The following CSMD3 variants were observed in gnomAD, a reference collection of about 807,000 sequenced individuals.
The protein encoded by CSMD3 is CUB and sushi domain-containing protein 3.
Under a neutral mutation model 435.2 loss-of-function variants are expected in CSMD3, and 177 were observed. That is an observed-to-expected ratio of 0.41 (90% confidence interval 0.36 to 0.46). The LOEUF is 0.46. CSMD3 is among the 20% of genes least tolerant of loss of function. The pLI is 0.34. For missense variants in CSMD3, 4,265 were observed against 4,504.6 expected (o/e 0.95, Z 1.52); for synonymous variants, 1,656 against 1,520.5 (o/e 1.09, Z -2.07).
rs570774005 is a variant in CSMD3, at chr8:113,071,449, G to A, written c.917+27307C>T. ...TTCTTCTAGTAGTTTTATGGTTTCA[G>A]GTCTTAGAGGTAAGTCTTTAATACA... On this transcript the variant is annotated intron_variant, in intron 5 of 70. Transcript: ENST00000297405. Among the ~76,000 whole-genome samples the A allele has an allele frequency of 2.6e-5, 4 of 151,972 alleles. No homozygotes were observed. The South Asian group carries it at 8.3e-4, about 32-fold the overall frequency.
At chr8:113,332,195 TA>T (rs1324031473) in intron 1 of CSMD3, among the ~76,000 whole-genome samples, 1 of 151,122 alleles carries the variant, frequency 6.6e-6, no homozygotes, top group Non-Finnish European at 1.5e-5. Context: ...ATGCCTTAAT[TA>T]AAAAAATACT....
chr8:112,795,843 T>C (rs2132310710), intron 13 of CSMD3, among the ~76,000 whole-genome samples: 1 of 152,280 alleles, frequency 6.6e-6, no homozygotes, highest in African/African-American at 2.4e-5. Context: ...AAGCATTAAA[T>C]ACTGTGGCCA....
chr8:112,963,478 C>G (rs1000675763), intron 7 of CSMD3, among the ~76,000 whole-genome samples: 10 of 151,708 alleles, frequency 6.6e-5, no homozygotes, highest in African/African-American at 2.2e-4. Flanking sequence ...TTTTTATGAC[C>G]ACCATTATAC....
chr8:113,391,447 C>T (rs1411713597), intron 1 of CSMD3, among the ~76,000 whole-genome samples: 1 of 151,902 alleles, frequency 6.6e-6, no homozygotes, highest in African/African-American at 2.4e-5. Flanking sequence ...TAACAAAGTT[C>T]CGTGGGTTTA....
intron 3 of CSMD3, among the ~76,000 whole-genome samples, chr8:113,206,445 A>G (rs1183740837): frequency 1.3e-5 from 2 of 152,128 alleles, no homozygotes. Flanking sequence ...GTCCATGTGC[A>G]TATTCTATTT....
chr8:113,013,859 T>C (rs531437911), intron 6 of CSMD3, among the ~76,000 whole-genome samples: 3 of 152,248 alleles, frequency 2.0e-5, no homozygotes, highest in East Asian at 3.9e-4. Context: ...TTCCATAGTA[T>C]AGTTTGCAGA....
intron 1 of CSMD3, among the ~76,000 whole-genome samples, chr8:113,372,856 C>T (rs1324191080): frequency 6.6e-6 from 1 of 151,582 alleles, no homozygotes; most frequent in African/African-American, 2.4e-5. Flanking sequence ...ACGGCGTGAA[C>T]CCGGGAAGCG....
Position 112,666,402 on chromosome 8 carries a change from G to A in CSMD3, c.2691C>T (p.Gly897=), listed in dbSNP as rs1275279396. ...LIPKCGAPCG[G]HFSAPSGVIL... is the part of the protein sequence containing the mutation. ...TCACTCCACTGGGAGCTGAAAAATGGCCACCACATGGGGCTGAAAAATTAA... is the reference window on the plus strand; with the variant it reads ...TCACTCCACTGGGAGCTGAAAAATGACCACCACATGGGGCTGAAAAATTAA... Residue 897 remains glycine (G), a synonymous_variant, in exon 17 of 71, where the codon GGC becomes GGT. Transcript: ENST00000297405. 2.5e-6 allele frequency: 4 copies of A among 1,612,204 alleles called. No individual in the cohort carries two copies. The highest frequency in any genetic ancestry group is 4.5e-5 in the East Asian group (2 of 44,804).
At chr8:113,250,756 T>C (rs1425677680) in intron 3 of CSMD3, among the ~76,000 whole-genome samples, 1 of 152,082 alleles carries the variant, frequency 6.6e-6, no homozygotes, top group Admixed American at 6.6e-5. Flanking sequence ...AGTGTTAAAA[T>C]AGATCTCTCA....
chr8:112,670,065 C>T (rs1318521392), intron 16 of CSMD3, among the ~76,000 whole-genome samples: 2 of 151,880 alleles, frequency 1.3e-5, no homozygotes, highest in African/African-American at 4.8e-5. Context: ...AAGGTATGTC[C>T]ACAGTACAAG....
chr8:112,986,378 T>A (rs2085254799), intron 6 of CSMD3, among the ~76,000 whole-genome samples: 1 of 152,122 alleles, frequency 6.6e-6, no homozygotes, highest in East Asian at 1.9e-4. Flanking sequence ...TCAATGTAGG[T>A]ATTATTTGAT....
At chr8:112,744,751 C>T (rs1206238366) in intron 13 of CSMD3, among the ~76,000 whole-genome samples, 2 of 151,930 alleles carry the variant, frequency 1.3e-5, no homozygotes, top group Non-Finnish European at 2.9e-5. Context: ...GAAGAAAAGT[C>T]AGCTAAACAA....
At chr8:113,003,203 C>T (rs1239747546) in intron 6 of CSMD3, among the ~76,000 whole-genome samples, 1 of 151,980 alleles carries the variant, frequency 6.6e-6, no homozygotes, top group Non-Finnish European at 1.5e-5. Context: ...CAAGATCGCA[C>T]CATTGCACTT....
chr8:112,589,118 T>A (rs1315395060), intron 22 of CSMD3, among the ~76,000 whole-genome samples: 1 of 152,208 alleles, frequency 6.6e-6, no homozygotes, highest in Non-Finnish European at 1.5e-5. Context: ...TATTTTTCAA[T>A]TGCACGTCTA....
In CSMD3 at chr8:112,554,912, T is replaced by C. The variant is rs1333082970; in HGVS notation, c.4234+1851A>G. Among the ~76,000 whole-genome samples the C allele has an allele frequency of 5.9e-5, 9 of 151,958 alleles. No individual in the cohort carries two copies. In the East Asian group the frequency reaches 1.5e-3, roughly 26 times the overall value. On this transcript the variant is annotated intron_variant, in intron 25 of 70. Coordinates refer to ENST00000297405, the MANE Select transcript of CSMD3 (RefSeq NM_198123.2). ...GGCTAAAACATAGCTGTAGAAGATATTTAAGGTTAATGAGCACAGGCTATT... is the reference window on the plus strand; with the variant it reads ...GGCTAAAACATAGCTGTAGAAGATACTTAAGGTTAATGAGCACAGGCTATT...
rs1319180981 is a variant in CSMD3 at position 112,382,115 on chromosome 8, AAAAAT to A, written c.6031+1447_6031+1451del. Among the ~76,000 whole-genome samples, 5 of 151,970 alleles carry A rather than the reference AAAAAT, an allele frequency of 3.3e-5. No individual in the cohort carries two copies. In the East Asian group the frequency reaches 9.7e-4, roughly 30 times the overall value. ...GCAACATAGCGAGACCTCAGCTCTA[AAAAAT>A]AAAATAAAATAAAAATTAATTGGGG... On this transcript the variant is annotated intron_variant, in intron 37 of 70. Coordinates refer to ENST00000297405, the MANE Select transcript of CSMD3 (RefSeq NM_198123.2).
chr8:113,287,878 C>T (rs879465696), intron 2 of CSMD3, among the ~76,000 whole-genome samples: 1 of 151,746 alleles, frequency 6.6e-6, no homozygotes, highest in Non-Finnish European at 1.5e-5. Context: ...TATCTTTGAC[C>T]ATCAAAAGCC....
chr8:113,240,419 TG>T (rs1436876105), intron 3 of CSMD3, among the ~76,000 whole-genome samples: 10 of 152,308 alleles, frequency 6.6e-5, no homozygotes, highest in African/African-American at 2.4e-4. Flanking sequence ...TCTAGGGCTC[TG>T]AGGAATTGTC....
intron 13 of CSMD3, among the ~76,000 whole-genome samples, chr8:112,789,975 A>T (rs1261271512): frequency 1.5e-4 from 23 of 152,018 alleles, no homozygotes; most frequent in Admixed American, 1.5e-3. Context: ...GCTTTAATAC[A>T]CATTTTTATT....
Sources: gnomAD v4.1 joint callset for allele counts (sites outside exome capture counted in the v4.1 genomes callset) on GRCh38, gnomAD v4.1.1 for gene constraint, MANE v1.5 for transcripts, NCBI Gene and HGNC (gene_info 2026-07-23, HGNC 2026-07-21) for gene names.